Variants in COL4A2 observed in about 807,000 individuals in gnomAD.
The protein encoded by COL4A2 is collagen alpha-2(IV) chain.
In COL4A2, 99 loss-of-function variants were observed where a neutral mutation model predicts 200.2. That is an observed-to-expected ratio of 0.49 (90% CI 0.42 to 0.58). The LOEUF (loss-of-function observed/expected upper bound fraction) is 0.58, where lower values mean the gene tolerates loss of function less well. Among genes scored for constraint, COL4A2 ranks in the 20% least tolerant of loss-of-function variants. The pLI is 0.00. For missense variants in COL4A2, 1,950 were observed against 2,314.1 expected (o/e 0.84, Z 3.23); for synonymous variants, 897 against 900.6 (o/e 1.00, Z 0.07).
intron 26 of COL4A2, among the ~76,000 whole-genome samples, chr13:110,466,379 C>T (rs1045078845): frequency 3.3e-5 from 5 of 152,168 alleles, no homozygotes; most frequent in Non-Finnish European, 7.3e-5. Context: ...TGAGCCCAGC[C>T]CAGACGGTGG....
chr13:110,455,149 A>G (rs1005445444), intron 20 of COL4A2, among the ~76,000 whole-genome samples: 3 of 152,136 alleles, frequency 2.0e-5, no homozygotes, highest in African/African-American at 7.2e-5. Flanking sequence ...CCTGTCGTCC[A>G]CACGGCAGAC....
At chr13:110,496,781 C>G (rs1271783920) in intron 40 of COL4A2, among the ~76,000 whole-genome samples, 1 of 150,616 alleles carries the variant, frequency 6.6e-6, no homozygotes, top group African/African-American at 2.5e-5. Flanking sequence ...GATCTAGGGT[C>G]AGTCCATCAG....
intron 16 of COL4A2, among the ~76,000 whole-genome samples, chr13:110,442,550 A>T (rs1396781578): frequency 6.6e-6 from 1 of 152,208 alleles, no homozygotes; most frequent in Non-Finnish European, 1.5e-5. Flanking sequence ...GTGCATCAAA[A>T]TGGGAGGAAC....
chr13:110,312,731 C>T (rs1885018869), intron 3 of COL4A2, among the ~76,000 whole-genome samples: 1 of 152,206 alleles, frequency 6.6e-6, no homozygotes, highest in African/African-American at 2.4e-5. Flanking sequence ...ATGTCTGCAA[C>T]CCCCAGCCTT....
intron 3 of COL4A2, among the ~76,000 whole-genome samples, chr13:110,356,912 C>T (rs988155933): frequency 6.6e-6 from 1 of 152,044 alleles, no homozygotes; most frequent in African/African-American, 2.4e-5. Flanking sequence ...AATACCGGTG[C>T]CTGCCACCAC....
intron 40 of COL4A2, among the ~76,000 whole-genome samples, chr13:110,498,916 C>A (rs1474355665): frequency 6.6e-6 from 1 of 152,222 alleles, no homozygotes; most frequent in African/African-American, 2.4e-5. Context: ...CTGACTTTTG[C>A]AAGCCATGCC....
At position 110,397,337 on chromosome 13, in the gene COL4A2, T is replaced by G. The variant is rs113615318; in HGVS notation, c.181-27397T>G. On this transcript the variant is annotated intron_variant, in intron 4 of 47. Transcript: ENST00000360467. ...GAACCCCTCAGAGCATCACAAGCCA[T>G]CACTCTGGGTCCCTGTCATTTAAAT... Among the ~76,000 whole-genome samples the G allele has an allele frequency of 1.7e-3, 254 of 152,302 alleles. 1 individual carries two copies. The highest frequency in any genetic ancestry group is 5.8e-3 in the African/African-American group (242 of 41,566).
intron 15 of COL4A2, 38 bp downstream of exon 15, chr13:110,438,706 G>A: frequency 1.2e-6 from 2 of 1,614,000 alleles, no homozygotes; most frequent in Admixed American, 1.7e-5. Context: ...TGTCGGTTTG[G>A]TTTGGTTTTT....
rs375976442 is a variant in COL4A2, at chr13:110,507,958, C to T, written c.4618C>T (p.Arg1540Trp). The change falls in exon 47 of 48, where the codon CGG becomes TGG. Residue 1540 changes from arginine (R) to tryptophan (W), a missense_variant. Arg to Trp is a moderately radical substitution (Grantham distance 101). This residue lies in a region of COL4A2 where 1,385 missense variants were observed against 1,720.5 expected (regional missense o/e 0.80). Coordinates refer to ENST00000360467, the MANE Select transcript of COL4A2 (RefSeq NM_001846.4). ...AGGGCTGGCGGGCTCCTGCCTGGCG[C>T]GGTTCAGCACCATGCCCTTCCTGTA... is the stretch of plus-strand genomic sequence containing the variant. ...DLGLAGSCLA[R>W]FSTMPFLYCN... The T allele has an allele frequency of 2.2e-5, 36 of 1,613,828 alleles. No homozygotes were observed. The highest frequency in any genetic ancestry group is 6.6e-5 in the South Asian group (6 of 91,090).
intron 4 of COL4A2, among the ~76,000 whole-genome samples, chr13:110,382,847 T>C (rs1388923345): frequency 4.6e-5 from 7 of 152,222 alleles, no homozygotes; most frequent in African/African-American, 1.7e-4. Flanking sequence ...ACACTTTGAA[T>C]AACAGAAAAA....
chr13:110,480,674 T>C (rs1314276293), intron 31 of COL4A2, among the ~76,000 whole-genome samples: 1 of 152,258 alleles, frequency 6.6e-6, no homozygotes, highest in Admixed American at 6.5e-5. Context: ...ATTGTAAATA[T>C]CACCATCTGC....
intron 34 of COL4A2, among the ~76,000 whole-genome samples, chr13:110,489,123 C>G (rs1377947869): frequency 6.6e-6 from 1 of 152,158 alleles, no homozygotes; most frequent in African/African-American, 2.4e-5. Flanking sequence ...GTAATCCCAG[C>G]TGCACAGGAG....
intron 3 of COL4A2, among the ~76,000 whole-genome samples, chr13:110,333,572 A>T (rs1007511036): frequency 6.6e-6 from 1 of 151,974 alleles, no homozygotes; most frequent in Non-Finnish European, 1.5e-5. Context: ...TTTCTAACTT[A>T]CCTAAGATGG....
At chr13:110,308,336 T>G (rs1283509136) in intron 3 of COL4A2, among the ~76,000 whole-genome samples, 1 of 152,170 alleles carries the variant, frequency 6.6e-6, no homozygotes, top group Non-Finnish European at 1.5e-5. Flanking sequence ...GTCAATCCTG[T>G]GTTTTGCAAG....
chr13:110,506,965 C>A (rs900519654), intron 46 of COL4A2, among the ~76,000 whole-genome samples: 2 of 152,174 alleles, frequency 1.3e-5, no homozygotes, highest in Admixed American at 1.3e-4. Context: ...CAGGCAGGGG[C>A]CATGAGGGGC....
intron 46 of COL4A2, among the ~76,000 whole-genome samples, chr13:110,507,199 G>A (rs566843715): frequency 1.3e-5 from 2 of 152,178 alleles, no homozygotes; most frequent in South Asian, 4.1e-4. Context: ...CTGCCTCCTC[G>A]GTGCAGGTTA....
chr13:110,503,025 G>A, intron 41 of COL4A2, 96 bp from the exon 42 acceptor site: 1 of 1,157,306 alleles, frequency 8.6e-7, no homozygotes, highest in Non-Finnish European at 1.3e-6. Flanking sequence ...AGACTTGCCA[G>A]AGACTGTCGC....
At chr13:110,487,622 T>C (rs1348138090) in intron 34 of COL4A2, among the ~76,000 whole-genome samples, 1 of 152,266 alleles carries the variant, frequency 6.6e-6, no homozygotes, top group African/African-American at 2.4e-5. Flanking sequence ...GCATTATCTG[T>C]GCATTTTATC....
chr13:110,382,389 C>T (rs1878524824), intron 4 of COL4A2, among the ~76,000 whole-genome samples: 1 of 152,228 alleles, frequency 6.6e-6, no homozygotes, highest in Non-Finnish European at 1.5e-5. Context: ...GTGCACCCGT[C>T]TTCCGCCCAC....
Sources: gnomAD v4.1 joint callset for allele counts (sites outside exome capture counted in the v4.1 genomes callset) on GRCh38, gnomAD v4.1.1 for gene constraint, gnomAD v4.1.1 regional missense constraint, MANE v1.5 for transcripts, NCBI Gene and HGNC (gene_info 2026-07-23, HGNC 2026-07-21) for gene names.